The following KRT77 variants were observed in gnomAD, a reference collection of about 807,000 sequenced individuals.
KRT77 encodes keratin, type II cytoskeletal 1b.
KRT77 carries 44 observed loss-of-function variants against 51.5 expected under a neutral mutation model. The ratio of observed to expected loss-of-function variants is 0.85; its 90% confidence interval spans 0.67 to 1.10. The LOEUF is 1.10. KRT77 is among the 50% of genes least tolerant of loss of function. The pLI is 0.00. For synonymous variants in KRT77, 293 were observed against 302.0 expected, an observed-to-expected ratio of 0.97 and a Z score of 0.31; for missense variants, 763 against 743.9, an observed-to-expected ratio of 1.03 and a Z score of -0.30.
At chr12:52,695,653 CTGGGGAGA>C in intron 4 of KRT77, 111 bp downstream of exon 4, 1 of 646,152 alleles carries the variant, frequency 1.5e-6, no homozygotes, top group Non-Finnish European at 2.7e-6. Flanking sequence ...GTTGGGGTAC[CTGGGGAGA>C]TGAGTCCCTA....
At chr12:52,698,637 G>A (rs1941836588) in intron 1 of KRT77, among the ~76,000 whole-genome samples, 1 of 152,210 alleles carries the variant, frequency 6.6e-6, no homozygotes, top group African/African-American at 2.4e-5. Flanking sequence ...TGGATATGGA[G>A]GTAAGATGCG....
At position 52,702,742 on chromosome 12, in the gene KRT77, G is replaced by T. The variant is rs1255936742; in HGVS notation, c.543+150C>A. ...AAAAGATGGAATTAAATCCCTGCAA[G>T]AAGACAAATTGAAGCCCAAATGGGT... is the stretch of plus-strand genomic sequence containing the variant. On this transcript the variant is annotated intron_variant, in intron 1 of 8. Coordinates refer to ENST00000341809, the MANE Select transcript of KRT77 (RefSeq NM_175078.3). 4 of 774,742 alleles carry T rather than the reference G, an allele frequency of 5.2e-6. No homozygotes were observed. In the African/African-American group the frequency reaches 5.2e-5, roughly 10 times the overall value. The allele number at this position is 774,742 out of a possible 1,614,324, so 48.0% of individuals were successfully genotyped here.
At chr12:52,696,490 C>G (rs1050487141) in intron 2 of KRT77, 60 bp from the exon 3 acceptor site, 7 of 1,380,334 alleles carry the variant, frequency 5.1e-6, no homozygotes, top group Non-Finnish European at 7.2e-6. Context: ...TCCCTGAGGT[C>G]CCTCCTTACA....
rs1049889692 is a variant in KRT77 at position 52,697,816 on chromosome 12, G to T, written c.624C>A (p.Thr208=). Residue 208 remains threonine, a synonymous_variant, in exon 2 of 9, where the codon ACC becomes ACA. Coordinates refer to ENST00000341809, the MANE Select transcript of KRT77 (RefSeq NM_175078.3). ...TCTCCAAGAGGGGCTCCAGGTTGTT[G>T]GTTCCAGTTGAGGTGTTCACCTGCT... The part of the protein sequence containing the change: ...LLQQVNTSTG[T]NNLEPLLENY... The T allele has an allele frequency of 9.9e-6, 16 of 1,613,920 alleles. No individual in the cohort carries two copies. Among genetic ancestry groups the T allele is most frequent in the African/African-American group, 1.3e-5 (1 of 74,892 alleles).
intron 7 of KRT77, 79 bp downstream of exon 7, chr12:52,692,342 T>C: frequency 6.6e-7 from 1 of 1,515,570 alleles, no homozygotes; most frequent in Non-Finnish European, 9.0e-7. Context: ...GGGGCTTATC[T>C]TTTCTCCAAA....
chr12:52,700,355 T>G (rs1015403260), intron 1 of KRT77, among the ~76,000 whole-genome samples: 1 of 152,122 alleles, frequency 6.6e-6, no homozygotes, highest in Non-Finnish European at 1.5e-5. Context: ...GCAGGGACTA[T>G]GGAGTCACAC....
Position 52,692,738 on chromosome 12 carries a change from C to G in KRT77, c.1206+17G>C, listed in dbSNP as rs1458705387. On this transcript the variant is annotated intron_variant, in intron 6 of 8. Coordinates refer to ENST00000341809, the MANE Select transcript of KRT77 (RefSeq NM_175078.3). The stretch of plus-strand genomic sequence containing the variant: ...AGGTGCAGGGCTTGGTCAGCCCTCC[C>G]TAAGCACCCGTCCCACCTGCTTCTT... 1 of 1,603,312 alleles carries G rather than the reference C, an allele frequency of 6.2e-7. No individual in the cohort carries two copies. Among genetic ancestry groups the G allele is most frequent in the East Asian group, 2.2e-5 (1 of 44,874 alleles).
At chr12:52,702,222 T>C (rs1240891533) in intron 1 of KRT77, among the ~76,000 whole-genome samples, 1 of 152,220 alleles carries the variant, frequency 6.6e-6, no homozygotes, top group Non-Finnish European at 1.5e-5. Context: ...ACTGTAGTAA[T>C]TCTCTCCCCT....
chr12:52,697,657 T>C, intron 2 of KRT77, 25 bp downstream of exon 2: 1 of 1,582,658 alleles, frequency 6.3e-7, no homozygotes, highest in Non-Finnish European at 8.6e-7. Context: ...GCTTCTCCCC[T>C]GTTTTGCCCT....
chr12:52,697,711 C>T lies in KRT77; in HGVS notation c.729G>A (p.Met243Ile). 6.2e-7 allele frequency: 1 copy of T among 1,613,966 alleles called. No homozygotes were observed. Among genetic ancestry groups the T allele is most frequent in the Non-Finnish European group, 8.5e-7 (1 of 1,179,896 alleles). The change falls in exon 2 of 9, where the codon ATG becomes ATA. Residue 243 changes from methionine (M) to isoleucine (I), a missense_variant. Transcript: ENST00000341809. ...TCTTGTAGTCCTCCACGACATCCTG[C>T]ATGCTCCTGACCTCCGCGTTCTGGC... ...QMRQNAEVRS[M>I]QDVVEDYKSK... is the part of the protein sequence containing the mutation.
chr12:52,699,666 C>A (rs781781044), intron 1 of KRT77, among the ~76,000 whole-genome samples: 1 of 152,236 alleles, frequency 6.6e-6, no homozygotes, highest in Non-Finnish European at 1.5e-5. Context: ...CTCCTCAACT[C>A]TTTGCCCAGC....
intron 1 of KRT77, among the ~76,000 whole-genome samples, chr12:52,702,554 T>TGTGTGTGTGTGTGTGTG (rs1565655562): frequency 3.1e-4 from 19 of 62,246 alleles, no homozygotes; most frequent in South Asian, 2.9e-3. Flanking sequence ...GTGTGTGTGT[T>TGTGTGTGTGTGTGTGTG]TGTGTGTGTG....
Position 52,692,748 on chromosome 12 carries a change from G to A in KRT77, c.1206+7C>T, listed in dbSNP as rs3782488. 3,205 of 1,603,860 alleles carry A rather than the reference G, an allele frequency of 2.0e-3. 100 individuals carry two copies. In the African/African-American group the frequency reaches 0.034, roughly 17 times the overall value. On this transcript the variant is annotated splice_region_variant and intron_variant, in intron 6 of 8. Coordinates refer to ENST00000341809, the MANE Select transcript of KRT77 (RefSeq NM_175078.3). ...CTTGGTCAGCCCTCCCTAAGCACCC[G>A]TCCCACCTGCTTCTTCACGTTGCTG...
At position 52,690,991 on chromosome 12, in the gene KRT77, T is replaced by A. The variant is rs1941694650; in HGVS notation, c.*174A>T. 2 of 824,040 alleles carry A rather than the reference T, an allele frequency of 2.4e-6. No homozygotes were observed. Among genetic ancestry groups the A allele is most frequent in the Admixed American group, 5.0e-5 (2 of 39,622 alleles). The allele number at this position is 824,040 out of a possible 1,614,324, so 51.0% of individuals were successfully genotyped here. On this transcript the variant is annotated 3_prime_UTR_variant, in exon 9 of 9. Coordinates refer to ENST00000341809, the MANE Select transcript of KRT77 (RefSeq NM_175078.3). ...CAAGCCAGTGCCCTCCAAAGAGAGA[T>A]CTGCTGTTTGGACTTATCCACCCTG... is the stretch of plus-strand genomic sequence containing the variant.
intron 7 of KRT77, 118 bp from the exon 8 acceptor site, chr12:52,692,090 G>GCCT (rs1941718846): frequency 9.0e-7 from 1 of 1,111,796 alleles, no homozygotes; most frequent in Non-Finnish European, 1.3e-6. Flanking sequence ...GTGTGCATGA[G>GCCT]CAGAGGTCAG....
At chr12:52,699,247 A>G (rs965599970) in intron 1 of KRT77, among the ~76,000 whole-genome samples, 1 of 152,094 alleles carries the variant, frequency 6.6e-6, no homozygotes, top group Non-Finnish European at 1.5e-5. Flanking sequence ...TGGCAGTGGC[A>G]TTGTGGGGAC....
Position 52,703,057 on chromosome 12 carries a change from G to A in KRT77, c.378C>T (p.Gly126=), listed in dbSNP as rs1555173279. 1.9e-6 allele frequency: 3 copies of A among 1,613,670 alleles called. No individual in the cohort carries two copies. Among genetic ancestry groups the A allele is most frequent in the Non-Finnish European group, 2.5e-6 (3 of 1,179,952 alleles). Residue 126 remains glycine (G), a synonymous_variant, in exon 1 of 9, where the codon GGC becomes GGT. Coordinates refer to ENST00000341809, the MANE Select transcript of KRT77 (RefSeq NM_175078.3). ...CCCCAGGAGGACAATAAGGACCAAA[G>A]CCCCCAAGCCCAAAATTGCTAGTCC... The part of the protein sequence containing the change: ...GFGTSNFGLG[G]FGPYCPPGGI...
intron 1 of KRT77, chr12:52,698,160 A>G (rs1267053624): frequency 2.9e-6 from 4 of 1,374,478 alleles, no homozygotes; most frequent in Non-Finnish European, 3.8e-6. Context: ...CTTCATTTAC[A>G]TCATAGAGCA....
rs772564369 is a variant in KRT77, at chr12:52,703,313, C to T, written c.122G>A (p.Arg41Gln). ...ATATCCACCACCACCACACCTCCCT[C>T]GAGCATAACACACAGAACCCACTGC... The part of the protein sequence containing the change: ...SPAVGSVCYA[R>Q]GRCGGGGYGI... The change falls in exon 1 of 9, where the codon CGA becomes CAA. Residue 41 changes from arginine (R) to glutamine (Q), a missense_variant. By Grantham distance (43) the Arg-to-Gln change is conservative. Coordinates refer to ENST00000341809, the MANE Select transcript of KRT77 (RefSeq NM_175078.3). 5.6e-6 allele frequency: 9 copies of T among 1,614,000 alleles called. No individual in the cohort carries two copies. The highest frequency in any genetic ancestry group is 2.7e-5 in the African/African-American group (2 of 74,882).
Sources: gnomAD v4.1 joint callset for allele counts (sites outside exome capture counted in the v4.1 genomes callset) on GRCh38, gnomAD v4.1.1 for gene constraint, MANE v1.5 for transcripts, NCBI Gene and HGNC (gene_info 2026-07-23, HGNC 2026-07-21) for gene names.